The following PDZD9 variants were observed in gnomAD, a reference collection of about 807,000 sequenced individuals.
PDZD9 encodes the protein PDZ domain containing 9.
PDZD9 carries 13 observed loss-of-function variants against 16.3 expected under a neutral mutation model. The observed-to-expected ratio is 0.80, with a 90% CI of 0.52 to 1.27. The LOEUF (loss-of-function observed/expected upper bound fraction) is 1.27, where lower values mean the gene tolerates loss of function less well. PDZD9 is among the 50% of genes most tolerant of loss of function. PDZD9 has a pLI of 0.00. For synonymous variants in PDZD9, 120 were observed against 111.0 expected, an observed-to-expected ratio of 1.08 and a Z score of -0.51; for missense variants, 288 against 310.9, an observed-to-expected ratio of 0.93 and a Z score of 0.55.
chr16:21,995,846 C>A (rs1445642607), intron 2 of PDZD9, among the ~76,000 whole-genome samples: 2 of 152,142 alleles, frequency 1.3e-5, no homozygotes, highest in Non-Finnish European at 2.9e-5. Context: ...GGCTGGAGTG[C>A]AGTGGCGCGA....
chr16:21,981,309 A>G (rs1191606883), downstream of PDZD9, among the ~76,000 whole-genome samples: 1 of 152,144 alleles, frequency 6.6e-6, no homozygotes, highest in Non-Finnish European at 1.5e-5. Flanking sequence ...TGCTGTGCCT[A>G]ACAAGCACAT....
downstream of PDZD9, chr16:21,980,339 T>C: frequency 1.8e-6 from 1 of 570,536 alleles, no homozygotes; most frequent in South Asian, 2.6e-5. Flanking sequence ...TTGGCAACCC[T>C]GAAGAGACTT....
the PDZD9 span, chr16:21,971,807 C>A: frequency 6.9e-7 from 1 of 1,448,508 alleles, no homozygotes. Flanking sequence ...ATGGGGAAAG[C>A]ACCGAGCTGC....
At chr16:21,998,201 C>T (rs1421013390) in intron 1 of PDZD9, 2 of 152,630 alleles carry the variant, frequency 1.3e-5, no homozygotes, top group African/African-American at 2.4e-5. Flanking sequence ...TGGTTCCTAT[C>T]TCAGTTTGTA....
chr16:21,961,322 C>A, the PDZD9 span: 1 of 448,900 alleles, frequency 2.2e-6, no homozygotes, highest in South Asian at 1.6e-5. Flanking sequence ...AAGTGTCCAT[C>A]TTTAGGGAAA....
chr16:21,985,980 G>C (rs927114413), intron 3 of PDZD9, among the ~76,000 whole-genome samples: 3 of 150,574 alleles, frequency 2.0e-5, no homozygotes, highest in African/African-American at 7.3e-5. Context: ...TTTTTTTTCA[G>C]ACTGCAGGGG....
the PDZD9 span, among the ~76,000 whole-genome samples, chr16:21,967,561 A>G: frequency 3.3e-5 from 5 of 152,136 alleles, no homozygotes; most frequent in Admixed American, 1.3e-4. Flanking sequence ...AATATAAACC[A>G]GTGATAACCA....
At chr16:21,998,648 C>T (rs561006413) in intron 1 of PDZD9, among the ~76,000 whole-genome samples, 7 of 151,770 alleles carry the variant, frequency 4.6e-5, no homozygotes, top group East Asian at 1.9e-4. Context: ...GCTGAGATGG[C>T]GCCATTGTAC....
chr16:21,965,883 T>C, the PDZD9 span, among the ~76,000 whole-genome samples: 101 of 152,312 alleles, frequency 6.6e-4, no homozygotes, highest in Non-Finnish European at 1.4e-3. Context: ...GGGGTCTTGC[T>C]GTGTTGCCTA....
chr16:21,973,384 A>T, the PDZD9 span, among the ~76,000 whole-genome samples: 1 of 152,200 alleles, frequency 6.6e-6, no homozygotes, highest in Non-Finnish European at 1.5e-5. Context: ...CTCTGCTCAA[A>T]CTAGATAACA....
intron 2 of PDZD9, among the ~76,000 whole-genome samples, chr16:21,991,208 T>C (rs1389331319): frequency 1.3e-5 from 2 of 152,106 alleles, no homozygotes; most frequent in Non-Finnish European, 2.9e-5. Context: ...CCATGACTTG[T>C]ATTTACTGTT....
chr16:21,960,882 G>A, the PDZD9 span, among the ~76,000 whole-genome samples: 1 of 152,106 alleles, frequency 6.6e-6, no homozygotes, highest in Non-Finnish European at 1.5e-5. Flanking sequence ...CCAGGCTGGA[G>A]TGGAGTGGTG....
At chr16:21,978,792 T>C in the PDZD9 span, among the ~76,000 whole-genome samples, 2 of 152,194 alleles carry the variant, frequency 1.3e-5, no homozygotes, top group Admixed American at 6.5e-5. Flanking sequence ...CAAAAATATG[T>C]TGAGTTTCGG....
At position 21,984,434 on chromosome 16, in the gene PDZD9, T is replaced by C. The variant is rs769003218; in HGVS notation, c.628A>G (p.Arg210Gly). Residue 210 changes from arginine (R) to glycine (G), a missense_variant, in exon 4 of 4, where the codon AGA (arginine) becomes GGA (glycine). Coordinates refer to ENST00000424898, the MANE Select transcript of PDZD9 (RefSeq NM_001363519.1). The stretch of plus-strand genomic sequence containing the variant: ...GCCCTCACTTCTTTCTTGTCGTCTC[T>C]GTGAATCATCACGTCACAATTAATG... ...KDINCDVMIH[R>G]DDKKEVRAPS... 4 of 1,614,174 alleles carry C rather than the reference T, an allele frequency of 2.5e-6. No homozygotes were observed. The South Asian group carries it at 4.4e-5, about 18-fold the overall frequency.
At chr16:21,960,986 A>C in the PDZD9 span, among the ~76,000 whole-genome samples, 6 of 152,052 alleles carry the variant, frequency 3.9e-5, no homozygotes, top group African/African-American at 1.4e-4. Context: ...ACATGACTCC[A>C]TGCCTGGCTA....
rs1250958184 is a variant in PDZD9, at chr16:21,984,658, G to A, written c.404C>T (p.Thr135Ile). 6.7e-7 allele frequency: 1 copy of A among 1,498,194 alleles called. No homozygotes were observed. The highest frequency in any genetic ancestry group is 8.9e-7 in the Non-Finnish European group (1 of 1,123,254). 92.8% of individuals were successfully genotyped at this position (1,498,194 alleles called of 1,614,324 possible). A position where few individuals can be genotyped will look rare whatever the true frequency, so the allele number is the denominator to read the frequency against. The change falls in exon 4 of 4, where the codon ACA becomes ATA. Residue 135 changes from threonine to isoleucine, a missense_variant and splice_region_variant. Transcript: ENST00000424898. ...TTTTGCCAGCTCAATTTTCTTTGGT[G>A]TGCTGAAATGAAAAGAATAGTGAAT... is the stretch of plus-strand genomic sequence containing the variant. ...IPEAKFPVTS[T>I]PKKIELAKDE... is the part of the protein sequence containing the mutation.
Position 21,984,104 on chromosome 16 carries a change from A to T in PDZD9, c.*163T>A, listed in dbSNP as rs1840461493. The T allele has an allele frequency of 2.3e-5, 16 of 705,326 alleles. No homozygotes were observed. In the South Asian group the frequency reaches 4.5e-4, roughly 20 times the overall value. 43.7% of individuals were successfully genotyped at this position (705,326 alleles called of 1,614,324 possible). ...TGCAAGAACCCAAGGAAGTCTTTAG[A>T]TAATCCTGTTGAAGAACATCTCTAA... is the stretch of plus-strand genomic sequence containing the variant. On this transcript the variant is annotated 3_prime_UTR_variant, in exon 4 of 4. Coordinates refer to ENST00000424898, the MANE Select transcript of PDZD9 (RefSeq NM_001363519.1).
At chr16:21,988,922 T>C in intron 2 of PDZD9, 131 bp from the exon 3 acceptor site, 1 of 684,400 alleles carries the variant, frequency 1.5e-6, no homozygotes, top group East Asian at 3.4e-5. Flanking sequence ...AAAACCAGGC[T>C]TCAGCCTTTT....
intron 1 of PDZD9, among the ~76,000 whole-genome samples, chr16:21,997,596 T>C (rs1899182592): frequency 6.6e-6 from 1 of 152,118 alleles, no homozygotes; most frequent in Non-Finnish European, 1.5e-5. Flanking sequence ...AAATGAGCAG[T>C]GGATGGATCC....
Sources: allele counts gnomAD v4.1 joint callset (sites outside exome capture counted in the v4.1 genomes callset), GRCh38; gene constraint gnomAD v4.1.1; transcripts MANE v1.5; gene names NCBI Gene and HGNC (gene_info 2026-07-23, HGNC 2026-07-21).